The following CNTNAP4 variants were observed in gnomAD, a reference collection of about 807,000 sequenced individuals.
CNTNAP4 encodes contactin-associated protein-like 4.
CNTNAP4 carries 98 observed loss-of-function variants against 148.4 expected under a neutral mutation model. That is an observed-to-expected ratio of 0.66 (90% CI 0.56 to 0.78). The LOEUF (loss-of-function observed/expected upper bound fraction) is 0.78. Ranked by LOEUF, CNTNAP4 falls within the 30% of genes least tolerant of loss-of-function variation. The probability of loss-of-function intolerance (pLI) is 0.00; values close to 1 mark genes in which losing one functional copy is unlikely to be tolerated. For synonymous variants in CNTNAP4, 730 were observed against 565.1 expected (o/e 1.29, Z -4.14); for missense variants, 1,935 against 1,565.6 (o/e 1.24, Z -3.98).
intron 2 of CNTNAP4, among the ~76,000 whole-genome samples, chr16:76,320,852 G>T (rs533396012): frequency 6.6e-6 from 1 of 152,086 alleles, no homozygotes; most frequent in African/African-American, 2.4e-5. Context: ...ATAAATTTGT[G>T]TACAGGAAAA....
intron 4 of CNTNAP4, among the ~76,000 whole-genome samples, chr16:76,443,134 T>G (rs967733217): frequency 1.3e-5 from 2 of 152,026 alleles, no homozygotes; most frequent in African/African-American, 4.8e-5. Flanking sequence ...ATGTAAAATA[T>G]GTATAATATA....
At chr16:76,282,251 A>C (rs556031929) in intron 1 of CNTNAP4, among the ~76,000 whole-genome samples, 1 of 152,040 alleles carries the variant, frequency 6.6e-6, no homozygotes, top group Admixed American at 6.6e-5. Flanking sequence ...TATTGTTCAA[A>C]AATCTTGATA....
chr16:76,428,146 G>A (rs1323102967), intron 4 of CNTNAP4, among the ~76,000 whole-genome samples: 1 of 152,090 alleles, frequency 6.6e-6, no homozygotes, highest in Non-Finnish European at 1.5e-5. Context: ...ACATAAAAAA[G>A]ATAGAAACCA....
chr16:76,335,930 C>T (rs1963984419), intron 2 of CNTNAP4, among the ~76,000 whole-genome samples: 2 of 152,094 alleles, frequency 1.3e-5, no homozygotes, highest in South Asian at 4.1e-4. Context: ...AGAATGGAAG[C>T]TGCTTGATTA....
At chr16:76,428,532 TAAAAG>T (rs2079498370) in intron 4 of CNTNAP4, among the ~76,000 whole-genome samples, 1 of 151,974 alleles carries the variant, frequency 6.6e-6, no homozygotes, top group African/African-American at 2.4e-5. Flanking sequence ...TTTCTTTACA[TAAAAG>T]AAAAGCAGGT....
At chr16:76,298,838 G>A (rs1296616157) in intron 1 of CNTNAP4, among the ~76,000 whole-genome samples, 2 of 152,088 alleles carry the variant, frequency 1.3e-5, no homozygotes, top group African/African-American at 2.4e-5. Context: ...GGTGGTGGAC[G>A]TTTAATACCA....
At chr16:76,441,820 G>C (rs1004069335) in intron 4 of CNTNAP4, among the ~76,000 whole-genome samples, 1 of 152,114 alleles carries the variant, frequency 6.6e-6, no homozygotes, top group African/African-American at 2.4e-5. Context: ...GCTAGCATTA[G>C]TAGTTAATAT....
At chr16:76,303,318 A>G (rs1490625171) in intron 1 of CNTNAP4, among the ~76,000 whole-genome samples, 1 of 152,186 alleles carries the variant, frequency 6.6e-6, no homozygotes, top group African/African-American at 2.4e-5. Context: ...TTCAGCCTTC[A>G]TCTTTAAGTG....
At chr16:76,472,836 A>G (rs1050009015) in intron 10 of CNTNAP4, among the ~76,000 whole-genome samples, 1 of 152,170 alleles carries the variant, frequency 6.6e-6, no homozygotes, top group African/African-American at 2.4e-5. Context: ...GAGGATCAGG[A>G]AAAATAACTA....
At chr16:76,319,271 G>A (rs924443902) in intron 2 of CNTNAP4, among the ~76,000 whole-genome samples, 2 of 152,004 alleles carry the variant, frequency 1.3e-5, no homozygotes, top group African/African-American at 4.8e-5. Flanking sequence ...GTACACCCGC[G>A]GTCCTAGCTA....
At chr16:76,530,441 T>G (rs1411579385) in intron 17 of CNTNAP4, among the ~76,000 whole-genome samples, 2 of 152,186 alleles carry the variant, frequency 1.3e-5, no homozygotes, top group Non-Finnish European at 2.9e-5. Context: ...TAGCGATCAT[T>G]GACTGAGGTC....
intron 23 of CNTNAP4, among the ~76,000 whole-genome samples, chr16:76,556,278 C>A (rs1167493351): frequency 2.0e-5 from 3 of 152,160 alleles, no homozygotes; most frequent in African/African-American, 7.2e-5. Context: ...TATACATCTT[C>A]ATAAAAGCAG....
At chr16:76,442,390 T>G (rs1305509081) in intron 4 of CNTNAP4, among the ~76,000 whole-genome samples, 3 of 152,196 alleles carry the variant, frequency 2.0e-5, no homozygotes, top group Non-Finnish European at 4.4e-5. Flanking sequence ...TTGTGGTTAT[T>G]TGTTTTACAA....
chr16:76,405,572 A>C (rs1448739046), intron 3 of CNTNAP4, among the ~76,000 whole-genome samples: 1 of 143,360 alleles, frequency 7.0e-6, no homozygotes, highest in African/African-American at 3.0e-5. Flanking sequence ...AGAAAATCAT[A>C]AGGAAGAGAA....
intron 2 of CNTNAP4, among the ~76,000 whole-genome samples, chr16:76,328,676 G>A (rs1316811159): frequency 6.6e-6 from 1 of 151,526 alleles, no homozygotes; most frequent in Non-Finnish European, 1.5e-5. Context: ...ATGGAGGTTT[G>A]CTCTTGTTTC....
chr16:76,407,002 A>G (rs889721464), intron 3 of CNTNAP4, among the ~76,000 whole-genome samples: 1 of 152,190 alleles, frequency 6.6e-6, no homozygotes, highest in African/African-American at 2.4e-5. Flanking sequence ...GGAAGATGCC[A>G]TCTAGAACTT....
At chr16:76,355,967 C>A (rs990709180) in intron 3 of CNTNAP4, among the ~76,000 whole-genome samples, 1 of 151,768 alleles carries the variant, frequency 6.6e-6, no homozygotes. Context: ...CTCTGCCTCC[C>A]GGGTTCAAGC....
chr16:76,452,412 C>A (rs932316092), intron 7 of CNTNAP4, 96 bp from the exon 8 acceptor site: 1 of 1,239,108 alleles, frequency 8.1e-7, no homozygotes. Flanking sequence ...TGTTTTAAAT[C>A]GCGGATAATG....
At chr16:76,470,022 C>A (rs1017648900) in intron 10 of CNTNAP4, among the ~76,000 whole-genome samples, 2 of 152,104 alleles carry the variant, frequency 1.3e-5, no homozygotes, top group Admixed American at 6.5e-5. Flanking sequence ...GTGTACCAGG[C>A]CTTATGCTAA....
Sources: gnomAD v4.1 joint callset for allele counts (sites outside exome capture counted in the v4.1 genomes callset) on GRCh38, gnomAD v4.1.1 for gene constraint, MANE v1.5 for transcripts, NCBI Gene and HGNC (gene_info 2026-07-23, HGNC 2026-07-21) for gene names.